Variants in FHIT observed in about 807,000 individuals in gnomAD.
The protein encoded by FHIT is fragile histidine triad diadenosine triphosphatase.
In FHIT, 19 loss-of-function variants were observed where a neutral mutation model predicts 17.9. The ratio of observed to expected loss-of-function variants is 1.06; its 90% CI spans 0.74 to 1.56. The LOEUF (loss-of-function observed/expected upper bound fraction) is 1.56, where lower values mean the gene tolerates loss of function less well. FHIT is among the 40% of genes most tolerant of loss of function. The pLI is 0.00. For missense variants in FHIT, 248 were observed against 189.2 expected (o/e 1.31, Z -1.82); for synonymous variants, 81 against 69.7 (o/e 1.16, Z -0.81).
At chr3:61,205,097 T>G (rs1281356119) in intron 1 of FHIT, among the ~76,000 whole-genome samples, 1 of 151,862 alleles carries the variant, frequency 6.6e-6, no homozygotes, top group African/African-American at 2.4e-5. Flanking sequence ...TTGTGATAGT[T>G]TGCAGAGAAT....
At chr3:60,418,997 G>T (rs369651607) in intron 5 of FHIT, among the ~76,000 whole-genome samples, 3 of 152,246 alleles carry the variant, frequency 2.0e-5, no homozygotes, top group African/African-American at 7.2e-5. Flanking sequence ...AGCCCGAATG[G>T]GAAGTACCTA....
chr3:60,970,652 C>G (rs1709966762), intron 3 of FHIT, among the ~76,000 whole-genome samples: 1 of 151,988 alleles, frequency 6.6e-6, no homozygotes, highest in South Asian at 2.1e-4. Context: ...AATATGATTT[C>G]TTGACTTATT....
At chr3:60,391,452 A>G (rs1314442109) in intron 5 of FHIT, among the ~76,000 whole-genome samples, 1 of 152,174 alleles carries the variant, frequency 6.6e-6, no homozygotes, top group Admixed American at 6.6e-5. Flanking sequence ...AGAGGCATAC[A>G]GTAATATCTT....
At chr3:60,973,744 A>G (rs1306045420) in intron 3 of FHIT, among the ~76,000 whole-genome samples, 1 of 152,200 alleles carries the variant, frequency 6.6e-6, no homozygotes, top group Non-Finnish European at 1.5e-5. Context: ...GACCTTCACT[A>G]GGCAATCAAC....
intron 5 of FHIT, among the ~76,000 whole-genome samples, chr3:60,363,093 G>T (rs1388187164): frequency 1.3e-5 from 2 of 152,108 alleles, no homozygotes; most frequent in Non-Finnish European, 2.9e-5. Flanking sequence ...GAAGAAAAAG[G>T]CAGTATGCAA....
intron 3 of FHIT, among the ~76,000 whole-genome samples, chr3:60,872,528 T>G (rs2107075346): frequency 6.6e-6 from 1 of 152,250 alleles, no homozygotes; most frequent in Non-Finnish European, 1.5e-5. Context: ...AAAAATACAT[T>G]ACTCTCTGCA....
intron 3 of FHIT, among the ~76,000 whole-genome samples, chr3:60,943,495 A>G (rs528536221): frequency 6.6e-6 from 1 of 152,260 alleles, no homozygotes; most frequent in Non-Finnish European, 1.5e-5. Context: ...TTCCCATGCT[A>G]TTATCCTTAA....
At chr3:61,174,868 A>C (rs2038111390) in intron 2 of FHIT, among the ~76,000 whole-genome samples, 1 of 152,202 alleles carries the variant, frequency 6.6e-6, no homozygotes, top group South Asian at 2.1e-4. Context: ...CCATTATCCA[A>C]ACTGTCCTAT....
chr3:60,117,494 T>TGAAAAA (rs1378538733), intron 5 of FHIT, among the ~76,000 whole-genome samples: 5 of 86,804 alleles, frequency 5.8e-5, no homozygotes, highest in Admixed American at 1.3e-4. Flanking sequence ...ACTTCCTATC[T>TGAAAAA]AAAAAAAAAA....
At chr3:60,590,751 C>T (rs2038058036) in intron 4 of FHIT, among the ~76,000 whole-genome samples, 1 of 152,114 alleles carries the variant, frequency 6.6e-6, no homozygotes, top group Non-Finnish European at 1.5e-5. Context: ...TGCACCACAG[C>T]TCCAAGTGTG....
intron 2 of FHIT, among the ~76,000 whole-genome samples, chr3:61,095,806 C>T (rs929431856): frequency 2.6e-5 from 4 of 152,224 alleles, no homozygotes; most frequent in African/African-American, 9.6e-5. Flanking sequence ...AGGCAGAGAG[C>T]CTGGCCTGAA....
At chr3:60,280,969 A>G (rs534387300) in intron 5 of FHIT, among the ~76,000 whole-genome samples, 125 of 3,744 alleles carry the variant, frequency 0.033, no homozygotes, top group African/African-American at 0.061. Flanking sequence ...CTCTAGAACA[A>G]ATAAGCAACT....
At chr3:60,204,147 A>T (rs1703046701) in intron 5 of FHIT, among the ~76,000 whole-genome samples, 1 of 152,210 alleles carries the variant, frequency 6.6e-6, no homozygotes, top group Non-Finnish European at 1.5e-5. Context: ...CATTGGTGGG[A>T]TTATTACTCA....
rs1293504703 is a variant in FHIT at position 60,965,967 on chromosome 3, G to A, written c.-111+76080C>T. Among the ~76,000 whole-genome samples, 3 of 152,318 alleles carry A rather than the reference G, an allele frequency of 2.0e-5. No individual in the cohort carries two copies. In the East Asian group the frequency reaches 5.8e-4, roughly 29 times the overall value. On this transcript the variant is annotated intron_variant, in intron 3 of 9. Coordinates refer to ENST00000492590, the MANE Select transcript of FHIT (RefSeq NM_002012.4). ...GAGAACCACTACTCTCTTCAAAGCT[G>A]TCAGATAGGGACGTTTAAGTCTGCA...
At chr3:60,036,914 A>G (rs1425740832) in intron 5 of FHIT, among the ~76,000 whole-genome samples, 1 of 152,244 alleles carries the variant, frequency 6.6e-6, no homozygotes, top group Non-Finnish European at 1.5e-5. Context: ...ATTAGGAAAT[A>G]TCAGTGTAGT....
At chr3:60,669,513 C>T (rs910636236) in intron 4 of FHIT, among the ~76,000 whole-genome samples, 1 of 152,124 alleles carries the variant, frequency 6.6e-6, no homozygotes, top group South Asian at 2.1e-4. Flanking sequence ...CACATATATA[C>T]ACACTAACAT....
At chr3:60,944,257 C>G (rs782355659) in intron 3 of FHIT, among the ~76,000 whole-genome samples, 3 of 152,098 alleles carry the variant, frequency 2.0e-5, no homozygotes, top group Non-Finnish European at 4.4e-5. Flanking sequence ...TGGTTTTATT[C>G]CAATTAATGT....
At chr3:59,933,705 G>A (rs141535527) in intron 7 of FHIT, among the ~76,000 whole-genome samples, 77 of 152,260 alleles carry the variant, frequency 5.1e-4, no homozygotes, top group African/African-American at 1.8e-3. Context: ...ACAGGCCAGT[G>A]TAATAACAAA....
intron 3 of FHIT, among the ~76,000 whole-genome samples, chr3:60,879,480 G>C (rs1470625379): frequency 6.6e-6 from 1 of 152,124 alleles, no homozygotes; most frequent in African/African-American, 2.4e-5. Flanking sequence ...CAAATGCATA[G>C]ACATTGATGT....
Sources: allele counts gnomAD v4.1 joint callset (sites outside exome capture counted in the v4.1 genomes callset), GRCh38; gene constraint gnomAD v4.1.1; transcripts MANE v1.5; gene names NCBI Gene and HGNC (gene_info 2026-07-23, HGNC 2026-07-21).